EYS: variants seen among roughly 807,000 people sequenced by gnomAD.
The protein encoded by EYS is protein eyes shut homolog.
Under a neutral mutation model 282.1 loss-of-function variants are expected in EYS, and 250 were observed. The observed-to-expected ratio is 0.89, with a 90% confidence interval of 0.80 to 0.98. The LOEUF (loss-of-function observed/expected upper bound fraction) is 0.98. EYS is among the 50% of genes least tolerant of loss of function. The pLI, the probability that EYS is intolerant of heterozygous loss-of-function variation, is 0.00. For synonymous variants in EYS, 1,355 were observed against 1,282.9 expected, an observed-to-expected ratio of 1.06 and a Z score of -1.20; for missense variants, 4,016 against 3,709.0, an observed-to-expected ratio of 1.08 and a Z score of -2.15.
chr6:63,874,757 A>G (rs1268959212), intron 35 of EYS, among the ~76,000 whole-genome samples: 2 of 152,126 alleles, frequency 1.3e-5, no homozygotes, highest in Non-Finnish European at 2.9e-5. Flanking sequence ...TTCACTCATG[A>G]TTTGGCTCTC....
chr6:63,979,989 A>C (rs992788199), intron 35 of EYS, among the ~76,000 whole-genome samples: 1 of 151,932 alleles, frequency 6.6e-6, no homozygotes, highest in Admixed American at 6.6e-5. Flanking sequence ...ACATTCATAG[A>C]CAGTGTAGGA....
At chr6:64,883,643 T>C (rs1171512738) in intron 19 of EYS, among the ~76,000 whole-genome samples, 1 of 151,546 alleles carries the variant, frequency 6.6e-6, no homozygotes, top group Non-Finnish European at 1.5e-5. Context: ...ATCTTTCCTA[T>C]ATTTAAATCA....
At chr6:63,832,462 C>T (rs1428075907) in intron 36 of EYS, among the ~76,000 whole-genome samples, 2 of 152,206 alleles carry the variant, frequency 1.3e-5, no homozygotes, top group African/African-American at 4.8e-5. Flanking sequence ...ACTAGAAAAT[C>T]TAGAAGAAAT....
intron 19 of EYS, among the ~76,000 whole-genome samples, chr6:64,861,056 C>T (rs1169900092): frequency 6.6e-6 from 1 of 152,192 alleles, no homozygotes; most frequent in South Asian, 2.1e-4. Flanking sequence ...TCAGGCCTTC[C>T]TGGCTTAAAG....
chr6:65,375,275 A>C (rs553358954), intron 8 of EYS, among the ~76,000 whole-genome samples: 2 of 152,312 alleles, frequency 1.3e-5, no homozygotes, highest in East Asian at 3.9e-4. Flanking sequence ...AAACTGCAGC[A>C]GACCTGCAGA....
At chr6:64,074,568 C>A (rs1582232123) in intron 32 of EYS, among the ~76,000 whole-genome samples, 3 of 151,650 alleles carry the variant, frequency 2.0e-5, no homozygotes, top group African/African-American at 4.8e-5. Context: ...TGTAATAATG[C>A]TCCCAATATC....
At position 65,506,460 on chromosome 6, in the gene EYS, C is replaced by CTTTTTTTTTTTTTTTTTTTTTTT. The variant is rs58326040; in HGVS notation, c.-332-10490_-332-10468dup. ...GGTTTACAATATCCTTCCTTCCTTT[C>CTTTTTTTTTTTTTTTTTTTTTTT]TTTTTTTTTTTTTTTTTTTTTTTTT... On this transcript the variant is annotated intron_variant, in intron 2 of 42. Coordinates refer to ENST00000503581, the MANE Select transcript of EYS (RefSeq NM_001142800.2). Among the ~76,000 whole-genome samples, 14 of 64,892 alleles carry CTTTTTTTTTTTTTTTTTTTTTTT rather than the reference C, an allele frequency of 2.2e-4. 3 individuals carry two copies. Among genetic ancestry groups the CTTTTTTTTTTTTTTTTTTTTTTT allele is most frequent in the Non-Finnish European group, 3.4e-4 (12 of 35,808 alleles). 42.6% of individuals were successfully genotyped at this position (64,892 alleles called of 152,430 possible). A position where few individuals can be genotyped will look rare whatever the true frequency, so the allele number is the denominator to read the frequency against.
intron 41 of EYS, chr6:63,744,139 A>G (rs887489575): frequency 7.9e-5 from 12 of 152,126 alleles, no homozygotes; most frequent in Non-Finnish European, 1.6e-4. Context: ...TCTTTTTATT[A>G]TAATGTATTT....
chr6:65,302,317 G>T (rs1768866104), intron 11 of EYS, among the ~76,000 whole-genome samples: 1 of 152,200 alleles, frequency 6.6e-6, no homozygotes, highest in Non-Finnish European at 1.5e-5. Flanking sequence ...CGACCTACAG[G>T]CGTAATAGAT....
chr6:64,701,975 T>G (rs1286947852), intron 22 of EYS, among the ~76,000 whole-genome samples: 1 of 152,044 alleles, frequency 6.6e-6, no homozygotes, highest in Non-Finnish European at 1.5e-5. Context: ...GCATATTATG[T>G]GTTAACTATT....
intron 37 of EYS, among the ~76,000 whole-genome samples, chr6:63,792,924 C>T (rs1309737231): frequency 2.0e-5 from 3 of 152,154 alleles, no homozygotes; most frequent in Admixed American, 1.3e-4. Flanking sequence ...ACAGAGGAGA[C>T]CCATAAATAC....
At chr6:63,792,965 G>T (rs1018244067) in intron 37 of EYS, among the ~76,000 whole-genome samples, 12 of 152,212 alleles carry the variant, frequency 7.9e-5, no homozygotes, top group African/African-American at 2.7e-4. Flanking sequence ...CACATGTAAG[G>T]CTTGTGATAT....
At position 64,011,989 on chromosome 6, in the gene EYS, TTCCTCTCCTCTCCTCTCCTC is replaced by T. The variant is rs60358872; in HGVS notation, c.6726-12826_6726-12807del. ...ATGCATTAACATTGCTAATAAGTTT[TTCCTCTCCTCTCCTCTCCTC>T]TCCTCTCCTCTCCTCTCCTCTCCTC... On this transcript the variant is annotated intron_variant, in intron 33 of 42. Coordinates refer to ENST00000503581, the MANE Select transcript of EYS (RefSeq NM_001142800.2). Among the ~76,000 whole-genome samples, 70 of 134,592 alleles carry T rather than the reference TTCCTCTCCTCTCCTCTCCTC, an allele frequency of 5.2e-4. No homozygotes were observed. The East Asian group carries it at 1.0e-2, about 19-fold the overall frequency. 88.3% of individuals were successfully genotyped at this position (134,592 alleles called of 152,430 possible). A position where few individuals can be genotyped will look rare whatever the true frequency, so the allele number is the denominator to read the frequency against.
chr6:64,431,702 T>C (rs950312498), intron 28 of EYS, among the ~76,000 whole-genome samples: 1 of 152,152 alleles, frequency 6.6e-6, no homozygotes, highest in Admixed American at 6.6e-5. Flanking sequence ...TGGCATTTGA[T>C]GACCTATACA....
intron 19 of EYS, among the ~76,000 whole-genome samples, chr6:64,882,328 A>G (rs1766950902): frequency 6.6e-6 from 1 of 151,808 alleles, no homozygotes; most frequent in Non-Finnish European, 1.5e-5. Flanking sequence ...CTGTTAGATG[A>G]AATTTTACCC....
intron 33 of EYS, among the ~76,000 whole-genome samples, chr6:64,058,793 A>G (rs546865599): frequency 1.8e-4 from 28 of 152,302 alleles, no homozygotes; most frequent in African/African-American, 6.7e-4. Context: ...TAGAATTAGA[A>G]GGCTTTTAAG....
chr6:65,280,866 AT>A (rs201423047), intron 12 of EYS, among the ~76,000 whole-genome samples: 38 of 83,894 alleles, frequency 4.5e-4, no homozygotes, highest in African/African-American at 1.1e-3. Flanking sequence ...AAAAAAAAAA[AT>A]ATATATATAT....
At chr6:64,941,555 C>A (rs1474499628) in intron 15 of EYS, among the ~76,000 whole-genome samples, 1 of 152,008 alleles carries the variant, frequency 6.6e-6, no homozygotes, top group Admixed American at 6.6e-5. Flanking sequence ...GATCCCATCA[C>A]CCAGGTAGTG....
intron 30 of EYS, among the ~76,000 whole-genome samples, chr6:64,243,387 T>A (rs562782184): frequency 6.6e-6 from 1 of 152,222 alleles, no homozygotes; most frequent in Non-Finnish European, 1.5e-5. Flanking sequence ...TCTATCAGCA[T>A]AGACAGGAGG....
Sources: gnomAD v4.1 joint callset for allele counts (sites outside exome capture counted in the v4.1 genomes callset) on GRCh38, gnomAD v4.1.1 for gene constraint, MANE v1.5 for transcripts, NCBI Gene and HGNC (gene_info 2026-07-23, HGNC 2026-07-21) for gene names.